ARNT: variants seen among roughly 807,000 people sequenced by gnomAD.
ARNT encodes the protein aryl hydrocarbon receptor nuclear translocator.
ARNT carries 30 observed loss-of-function variants against 105.0 expected under a neutral mutation model. That is an observed-to-expected ratio of 0.29 (90% CI 0.21 to 0.39). ARNT has a LOEUF of 0.39. ARNT is among the 10% of genes least tolerant of loss of function. ARNT has a pLI of 1.00. For missense variants in ARNT, 748 were observed against 978.7 expected (o/e 0.76, Z 3.15); for synonymous variants, 304 against 344.0 (o/e 0.88, Z 1.29).
chr1:150,818,605 A>T (rs1377583632), intron 14 of ARNT, among the ~76,000 whole-genome samples: 1 of 152,068 alleles, frequency 6.6e-6, no homozygotes, highest in Non-Finnish European at 1.5e-5. Flanking sequence ...TACAAAAATT[A>T]GCAGGCGTGG....
intron 1 of ARNT, among the ~76,000 whole-genome samples, chr1:150,862,269 T>C (rs587617711): frequency 6.6e-6 from 1 of 152,294 alleles, no homozygotes; most frequent in East Asian, 1.9e-4. Flanking sequence ...ATATTATTTC[T>C]GAAAATGACT....
At chr1:150,822,243 C>T (rs1467720582) in intron 14 of ARNT, among the ~76,000 whole-genome samples, 2 of 151,958 alleles carry the variant, frequency 1.3e-5, no homozygotes, top group African/African-American at 4.8e-5. Flanking sequence ...CAATTAAAAT[C>T]TTTGGAATCT....
At position 150,836,334 on chromosome 1, in the gene ARNT, C is replaced by T; in HGVS notation, c.646G>A (p.Asp216Asn). 6.2e-7 allele frequency: 1 copy of T among 1,614,160 alleles called. No homozygotes were observed. Among genetic ancestry groups the T allele is most frequent in the Non-Finnish European group, 8.5e-7 (1 of 1,180,024 alleles). The change falls in exon 7 of 22, where the codon GAT becomes AAT. Residue 216 changes from aspartate (D) to asparagine (N), a missense_variant. This residue lies in a region of ARNT where 291 missense variants were observed against 444.6 expected (regional missense o/e 0.65). Coordinates refer to ENST00000358595, the MANE Select transcript of ARNT (RefSeq NM_001668.4). ...GSTLYDQVHP[D>N]DVDKLREQLS... The stretch of plus-strand genomic sequence containing the variant: ...TGCTCACGAAGTTTATCCACATCAT[C>T]TGGGTGCACCTGATCATAGAGTGTG...
In ARNT at chr1:150,830,993, G is replaced by A. The variant is rs10305707; in HGVS notation, c.955+825C>T. On this transcript the variant is annotated intron_variant, in intron 10 of 21. Transcript: ENST00000358595. ...CTGCCATATGCCAGGCACTGGGCTGGATGCTTTCCTTACATTAAATCTAAT... is the reference window on the plus strand; with the variant it reads ...CTGCCATATGCCAGGCACTGGGCTGAATGCTTTCCTTACATTAAATCTAAT... Among the ~76,000 whole-genome samples, 77 of 152,152 alleles carry A rather than the reference G, an allele frequency of 5.1e-4. 1 individual carries two copies. Among genetic ancestry groups the A allele is most frequent in the African/African-American group, 1.8e-3 (73 of 41,488 alleles).
intron 5 of ARNT, 106 bp downstream of exon 5, chr1:150,842,318 A>G: frequency 1.3e-6 from 2 of 1,481,478 alleles, no homozygotes; most frequent in Admixed American, 2.3e-5. Flanking sequence ...CTTGCCACAG[A>G]TAAGGAAAAA....
chr1:150,832,452 C>G, intron 8 of ARNT, 53 bp from the exon 9 acceptor site: 1 of 1,541,086 alleles, frequency 6.5e-7, no homozygotes, highest in South Asian at 1.1e-5. Context: ...TATCAAAGAA[C>G]TTTCCACAGT....
At chr1:150,817,733 C>T (rs587773779) in intron 15 of ARNT, among the ~76,000 whole-genome samples, 187 bp downstream of exon 15, 150 of 149,380 alleles carry the variant, frequency 1.0e-3, no homozygotes, top group Non-Finnish European at 1.7e-3. Flanking sequence ...CACTTGAACC[C>T]AGGAGACAGA....
chr1:150,815,500 G>T (rs1022584812), intron 19 of ARNT, among the ~76,000 whole-genome samples: 1 of 149,174 alleles, frequency 6.7e-6, no homozygotes, highest in Non-Finnish European at 1.5e-5. Context: ...AGTGAGCCGA[G>T]ATCGCGCCAC....
intron 2 of ARNT, among the ~76,000 whole-genome samples, chr1:150,854,226 T>C (rs1056824339): frequency 6.6e-6 from 1 of 152,066 alleles, no homozygotes; most frequent in Non-Finnish European, 1.5e-5. Context: ...GCTGGAACTA[T>C]AGGAGCCCAC....
rs907850932 is a variant in ARNT, at chr1:150,810,106, A to C, written c.*1915T>G. 1 of 230,832 alleles carries C rather than the reference A, an allele frequency of 4.3e-6. No homozygotes were observed. The highest frequency in any genetic ancestry group is 8.6e-6 in the Non-Finnish European group (1 of 116,328). 14.3% of individuals were successfully genotyped at this position (230,832 alleles called of 1,614,324 possible). On this transcript the variant is annotated 3_prime_UTR_variant, in exon 22 of 22. Transcript: ENST00000358595. Reference sequence around the variant, plus strand: ...ACAACACAAGAAATTTTACAAAAGGAAAAAATATTTTGTTTGAAAATCTTT... The same window carrying C: ...ACAACACAAGAAATTTTACAAAAGGCAAAAATATTTTGTTTGAAAATCTTT...
At chr1:150,838,779 C>CTCAA (rs1266427400) in intron 6 of ARNT, among the ~76,000 whole-genome samples, 2 of 152,210 alleles carry the variant, frequency 1.3e-5, no homozygotes, top group Non-Finnish European at 2.9e-5. Flanking sequence ...ACCATCCTCA[C>CTCAA]TCAAGTCTAG....
intron 8 of ARNT, 112 bp downstream of exon 8, chr1:150,834,426 G>C (rs1659898865): frequency 1.0e-6 from 1 of 1,004,994 alleles, no homozygotes; most frequent in Non-Finnish European, 1.5e-6. Flanking sequence ...ATCTGGGTAT[G>C]GAGAGTTAAA....
At chr1:150,838,594 CCTT>C (rs1198544318) in intron 6 of ARNT, among the ~76,000 whole-genome samples, 8 of 152,162 alleles carry the variant, frequency 5.3e-5, no homozygotes, top group South Asian at 2.1e-4. Context: ...TATATTCTCT[CCTT>C]CTTTCTAATC....
chr1:150,864,168 T>C (rs994872738), intron 1 of ARNT, among the ~76,000 whole-genome samples: 6 of 152,128 alleles, frequency 3.9e-5, no homozygotes, highest in African/African-American at 1.2e-4. Context: ...TATCTAAACA[T>C]AGAAAAAGTA....
intron 21 of ARNT, 107 bp downstream of exon 21, chr1:150,813,065 C>A: frequency 7.7e-7 from 1 of 1,291,148 alleles, no homozygotes; most frequent in South Asian, 1.5e-5. Context: ...TCACATATAC[C>A]CCCAACCAAA....
chr1:150,842,485 T>C lies in ARNT; in HGVS notation c.228-17A>G, dbSNP rs373091438. 2.1e-5 allele frequency: 33 copies of C among 1,547,972 alleles called. No homozygotes were observed. The African/African-American group carries it at 3.9e-4, about 18-fold the overall frequency. ...TCATCCGACCTAAAAATAGAATTAA[T>C]GAACTAAGCTAAAATTAAAATAAAA... On this transcript the variant is annotated splice_polypyrimidine_tract_variant and intron_variant, in intron 4 of 21. Transcript: ENST00000358595.
intron 3 of ARNT, among the ~76,000 whole-genome samples, chr1:150,850,360 T>G (rs1272611709): frequency 6.6e-6 from 1 of 152,142 alleles, no homozygotes; most frequent in Non-Finnish European, 1.5e-5. Context: ...TGCTGCCATC[T>G]CCGCTCACTG....
intron 18 of ARNT, 132 bp downstream of exon 18, chr1:150,816,656 C>G: frequency 9.1e-7 from 1 of 1,094,942 alleles, no homozygotes; most frequent in Non-Finnish European, 1.3e-6. Context: ...AGCTTGTTTG[C>G]CTCACGCTAG....
chr1:150,866,295 G>A (rs990254632), intron 1 of ARNT, among the ~76,000 whole-genome samples: 4 of 151,840 alleles, frequency 2.6e-5, no homozygotes, highest in Admixed American at 6.6e-5. Flanking sequence ...CCTGTTCCAA[G>A]GTCTTCTACT....
Sources: allele counts gnomAD v4.1 joint callset (sites outside exome capture counted in the v4.1 genomes callset), GRCh38; gene constraint gnomAD v4.1.1; regional missense constraint gnomAD v4.1.1; transcripts MANE v1.5; gene names NCBI Gene and HGNC (gene_info 2026-07-23, HGNC 2026-07-21).